Variants in ATRNL1 observed in about 807,000 individuals in gnomAD.
ATRNL1 encodes the protein attractin like 1.
A neutral mutation model predicts 182.7 loss-of-function variants in ATRNL1; 95 were observed. The observed-to-expected ratio is 0.52, with a 90% CI of 0.44 to 0.62. The LOEUF (loss-of-function observed/expected upper bound fraction) is 0.62, where lower values mean the gene tolerates loss of function less well. Ranked by LOEUF, ATRNL1 falls within the 20% of genes least tolerant of loss-of-function variation. The pLI, the probability that ATRNL1 is intolerant of heterozygous loss-of-function variation, is 0.00. For missense variants in ATRNL1, 1,471 were observed against 1,679.5 expected (o/e 0.88, Z 2.17); for synonymous variants, 576 against 568.3 (o/e 1.01, Z -0.19).
At chr10:115,631,785 A>G (rs1419862497) in intron 26 of ATRNL1, among the ~76,000 whole-genome samples, 1 of 152,156 alleles carries the variant, frequency 6.6e-6, no homozygotes, top group African/African-American at 2.4e-5. Context: ...TTCTGATATT[A>G]TCGAGATCAC....
chr10:115,223,859 TTATATATAACATA>T (rs1408968223), intron 9 of ATRNL1, among the ~76,000 whole-genome samples: 57 of 145,810 alleles, frequency 3.9e-4, no homozygotes, highest in African/African-American at 1.2e-3. Flanking sequence ...GTATATATAT[TTATATATAACATA>T]TGTGTATTTA....
At position 115,528,033 on chromosome 10, in the gene ATRNL1, C is replaced by T. The variant is rs868960814; in HGVS notation, c.3716+8709C>T. ...TCCTTCCTTCCTTCCTTCCCTCCTTCCTTTCTTCCTTCCTTCCTTCCTTCC... is the reference window on the plus strand; with the variant it reads ...TCCTTCCTTCCTTCCTTCCCTCCTTTCTTTCTTCCTTCCTTCCTTCCTTCC... On this transcript the variant is annotated intron_variant, in intron 25 of 28. Transcript: ENST00000355044. Among the ~76,000 whole-genome samples the T allele has an allele frequency of 3.9e-3, 187 of 48,508 alleles. 3 individuals carry two copies. The highest frequency in any genetic ancestry group is 7.3e-3 in the African/African-American group (88 of 12,056). The allele number at this position is 48,508 out of a possible 152,430, so 31.8% of individuals were successfully genotyped here.
At chr10:115,160,817 A>G (rs1194905539) in intron 6 of ATRNL1, among the ~76,000 whole-genome samples, 1 of 151,814 alleles carries the variant, frequency 6.6e-6, no homozygotes, top group African/African-American at 2.4e-5. Flanking sequence ...AAATAGGGAG[A>G]ATCATTTGAT....
intron 26 of ATRNL1, among the ~76,000 whole-genome samples, chr10:115,684,852 G>T (rs1946166749): frequency 6.6e-6 from 1 of 151,680 alleles, no homozygotes; most frequent in African/African-American, 2.4e-5. Flanking sequence ...TGGCTAGCAT[G>T]TTATGATACT....
At chr10:115,389,534 G>GTATGTATATATATATATATA (rs1564989559) in intron 19 of ATRNL1, among the ~76,000 whole-genome samples, 10 of 57,572 alleles carry the variant, frequency 1.7e-4, no homozygotes, top group Admixed American at 2.1e-4. Flanking sequence ...ATTCAAATGT[G>GTATGTATATATATATATATA]TATGTGTATA....
Position 115,523,223 on chromosome 10 carries a change from G to A in ATRNL1, c.3716+3899G>A, listed in dbSNP as rs1851043319. Among the ~76,000 whole-genome samples the A allele has an allele frequency of 2.6e-5, 4 of 152,152 alleles. No individual in the cohort carries two copies. The South Asian group carries it at 8.3e-4, about 32-fold the overall frequency. ...AGCGAGATGTGGGGAGCACTTTCTAGAGATGGGGCATGGCAATGTTGTCCC... is the reference window on the plus strand; with the variant it reads ...AGCGAGATGTGGGGAGCACTTTCTAAAGATGGGGCATGGCAATGTTGTCCC... On this transcript the variant is annotated intron_variant, in intron 25 of 28. Coordinates refer to ENST00000355044, the MANE Select transcript of ATRNL1 (RefSeq NM_207303.4).
At chr10:115,289,775 G>A (rs1412715295) in intron 15 of ATRNL1, among the ~76,000 whole-genome samples, 1 of 152,108 alleles carries the variant, frequency 6.6e-6, no homozygotes, top group Non-Finnish European at 1.5e-5. Flanking sequence ...ATGCTGTTTT[G>A]TTTACTACAA....
chr10:115,114,839 A>G (rs995206694), intron 1 of ATRNL1, among the ~76,000 whole-genome samples: 1 of 152,134 alleles, frequency 6.6e-6, no homozygotes, highest in Non-Finnish European at 1.5e-5. Context: ...AGGTTCATCA[A>G]AAAACTGAAA....
At chr10:115,887,961 G>A (rs1412296749) in intron 28 of ATRNL1, among the ~76,000 whole-genome samples, 1 of 152,014 alleles carries the variant, frequency 6.6e-6, no homozygotes, top group Non-Finnish European at 1.5e-5. Context: ...GTAAGTTGTG[G>A]AAAAGAGTAA....
intron 13 of ATRNL1, among the ~76,000 whole-genome samples, chr10:115,271,649 C>T: frequency 6.6e-6 from 1 of 152,172 alleles, no homozygotes; most frequent in South Asian, 2.1e-4. Flanking sequence ...CTGGATTATA[C>T]ATATATTCTC....
intron 1 of ATRNL1, among the ~76,000 whole-genome samples, chr10:115,102,349 T>C (rs1843804552): frequency 6.6e-6 from 1 of 152,222 alleles, no homozygotes; most frequent in African/African-American, 2.4e-5. Context: ...GACTCTTTTC[T>C]GTTCCATTGA....
intron 26 of ATRNL1, among the ~76,000 whole-genome samples, chr10:115,555,832 C>G (rs1853283072): frequency 6.6e-6 from 1 of 151,874 alleles, no homozygotes; most frequent in Non-Finnish European, 1.5e-5. Flanking sequence ...AACAAATAGT[C>G]AAATAATGGG....
intron 25 of ATRNL1, among the ~76,000 whole-genome samples, chr10:115,539,862 A>T (rs1554991453): frequency 6.6e-6 from 1 of 151,716 alleles, no homozygotes; most frequent in Non-Finnish European, 1.5e-5. Flanking sequence ...CCAGCTCAAA[A>T]CATGGTACAA....
chr10:115,166,939 A>G (rs544936408), intron 7 of ATRNL1, among the ~76,000 whole-genome samples: 1 of 151,344 alleles, frequency 6.6e-6, no homozygotes, highest in Non-Finnish European at 1.5e-5. Flanking sequence ...TTCTTTTGTT[A>G]CTTATGCTTT....
chr10:115,899,035 G>A (rs1340856806), intron 28 of ATRNL1, among the ~76,000 whole-genome samples: 2 of 150,702 alleles, frequency 1.3e-5, no homozygotes, highest in South Asian at 2.1e-4. Context: ...GTATACATGT[G>A]CCATGTTGGT....
At chr10:115,738,125 GATTTTT>G (rs1948016527) in intron 27 of ATRNL1, among the ~76,000 whole-genome samples, 1 of 53,148 alleles carries the variant, frequency 1.9e-5, no homozygotes, top group Non-Finnish European at 3.8e-5. Context: ...AGAAGATAAT[GATTTTT>G]TTTTTTTTTT....
intron 26 of ATRNL1, among the ~76,000 whole-genome samples, chr10:115,622,564 A>G (rs1387279307): frequency 6.6e-6 from 1 of 152,182 alleles, no homozygotes; most frequent in Non-Finnish European, 1.5e-5. Context: ...TTTGAGTTTG[A>G]TAACTTTTAC....
At chr10:115,849,514 G>T (rs988198265) in intron 28 of ATRNL1, among the ~76,000 whole-genome samples, 1 of 152,182 alleles carries the variant, frequency 6.6e-6, no homozygotes, top group Non-Finnish European at 1.5e-5. Context: ...CTTTTTGACT[G>T]ATATGAAAGA....
chr10:115,660,139 G>A (rs944330970), intron 26 of ATRNL1, among the ~76,000 whole-genome samples: 1 of 152,126 alleles, frequency 6.6e-6, no homozygotes, highest in Non-Finnish European at 1.5e-5. Context: ...ACGAACCAAT[G>A]TATATTCACC....
Sources: allele counts gnomAD v4.1 joint callset (sites outside exome capture counted in the v4.1 genomes callset), GRCh38; gene constraint gnomAD v4.1.1; transcripts MANE v1.5; gene names NCBI Gene and HGNC (gene_info 2026-07-23, HGNC 2026-07-21).